CTNNA2: variants seen among roughly 807,000 people sequenced by gnomAD.
CTNNA2 encodes catenin alpha-2.
Under a neutral mutation model 101.0 loss-of-function variants are expected in CTNNA2, and 42 were observed. The ratio of observed to expected loss-of-function variants is 0.42; its 90% CI spans 0.32 to 0.54. The LOEUF is 0.54. Ranked by LOEUF, CTNNA2 falls within the 20% of genes least tolerant of loss-of-function variation. The pLI is 0.14. For missense variants in CTNNA2, 871 were observed against 1,223.1 expected (o/e 0.71, Z 4.29); for synonymous variants, 450 against 456.4 (o/e 0.99, Z 0.18).
At chr2:79,636,231 C>A (rs1680041392) in intron 1 of CTNNA2, among the ~76,000 whole-genome samples, 1 of 133,992 alleles carries the variant, frequency 7.5e-6, no homozygotes, top group Non-Finnish European at 1.5e-5. Flanking sequence ...GATCGCGCCA[C>A]TGCACTCCAG....
intron 7 of CTNNA2, among the ~76,000 whole-genome samples, chr2:80,278,517 A>G (rs527582308): frequency 1.3e-5 from 2 of 152,156 alleles, no homozygotes; most frequent in South Asian, 4.1e-4. Context: ...GCTAGTTCAC[A>G]TGGTAGGGGG....
chr2:79,470,826 G>T (rs1670991170), intron 4 of CTNNA2, among the ~76,000 whole-genome samples: 2 of 152,180 alleles, frequency 1.3e-5, no homozygotes, highest in South Asian at 4.1e-4. Flanking sequence ...CATACACGGA[G>T]TCATTCAGAC....
intron 7 of CTNNA2, among the ~76,000 whole-genome samples, chr2:80,009,756 G>GTGTGTGTGTGTGTGTGTGTC (rs367758452): frequency 6.8e-6 from 1 of 148,108 alleles, no homozygotes; most frequent in East Asian, 2.0e-4. Flanking sequence ...GTGTGTCAGA[G>GTGTGTGTGTGTGTGTGTGTC]AGAGAGACAG....
At chr2:80,410,472 A>G (rs904104600) in intron 8 of CTNNA2, among the ~76,000 whole-genome samples, 1 of 152,212 alleles carries the variant, frequency 6.6e-6, no homozygotes, top group Non-Finnish European at 1.5e-5. Flanking sequence ...CCTTTGTCAC[A>G]CATACGTTTA....
At chr2:79,197,192 A>T (rs955935442) in intron 1 of CTNNA2, among the ~76,000 whole-genome samples, 2 of 152,248 alleles carry the variant, frequency 1.3e-5, no homozygotes, top group African/African-American at 4.8e-5. Flanking sequence ...CCCGAATTAG[A>T]ACAAACAGAG....
intron 7 of CTNNA2, among the ~76,000 whole-genome samples, chr2:80,246,549 C>A (rs1671344418): frequency 6.6e-6 from 1 of 152,086 alleles, no homozygotes; most frequent in Non-Finnish European, 1.5e-5. Flanking sequence ...CAAGTATGGA[C>A]CTGTTCAGTA....
intron 3 of CTNNA2, among the ~76,000 whole-genome samples, chr2:79,763,284 T>G (rs1309652883): frequency 6.6e-6 from 1 of 152,210 alleles, no homozygotes; most frequent in Non-Finnish European, 1.5e-5. Context: ...CTCCTTGTTT[T>G]GTTGAATAAT....
At chr2:79,394,445 A>G (rs1678208097) in intron 4 of CTNNA2, among the ~76,000 whole-genome samples, 1 of 152,236 alleles carries the variant, frequency 6.6e-6, no homozygotes, top group African/African-American at 2.4e-5. Flanking sequence ...ATTGGATGGT[A>G]AATACGTAAC....
chr2:80,293,774 G>C (rs574673726), intron 7 of CTNNA2, among the ~76,000 whole-genome samples: 2 of 152,184 alleles, frequency 1.3e-5, no homozygotes, highest in Non-Finnish European at 2.9e-5. Context: ...CAAATCTGCG[G>C]ATGCAGTGGA....
chr2:79,451,265 T>C (rs1034868873), intron 4 of CTNNA2, among the ~76,000 whole-genome samples: 15 of 152,132 alleles, frequency 9.9e-5, no homozygotes, highest in Admixed American at 7.2e-4. Flanking sequence ...AGGATCCTTT[T>C]AGGATCAAAA....
At chr2:79,797,708 G>C (rs951823776) in intron 3 of CTNNA2, among the ~76,000 whole-genome samples, 2 of 149,670 alleles carry the variant, frequency 1.3e-5, no homozygotes, top group African/African-American at 4.9e-5. Context: ...AATTGCCCCT[G>C]TTGTGTTTGT....
chr2:79,938,121 C>T (rs1285844061), intron 7 of CTNNA2, among the ~76,000 whole-genome samples: 1 of 152,174 alleles, frequency 6.6e-6, no homozygotes, highest in Non-Finnish European at 1.5e-5. Flanking sequence ...GCAGTGCCCT[C>T]AAATCTGCTC....
intron 1 of CTNNA2, among the ~76,000 whole-genome samples, chr2:79,549,819 CT>C (rs1480477703): frequency 6.6e-6 from 1 of 152,122 alleles, no homozygotes; most frequent in African/African-American, 2.4e-5. Context: ...GCTATTTCCC[CT>C]GTTATATGAT....
intron 7 of CTNNA2, among the ~76,000 whole-genome samples, chr2:80,016,241 G>T (rs1023259548): frequency 6.6e-6 from 1 of 152,124 alleles, no homozygotes; most frequent in Non-Finnish European, 1.5e-5. Context: ...AGTGCTACAC[G>T]CTGGGCTTGG....
intron 9 of CTNNA2, among the ~76,000 whole-genome samples, chr2:80,528,954 TAAAC>T (rs1324458783): frequency 1.3e-5 from 2 of 152,142 alleles, no homozygotes; most frequent in Non-Finnish European, 2.9e-5. Flanking sequence ...TAAACATAAA[TAAAC>T]AAGTATTAAG....
At chr2:79,255,686 T>C (rs1374428838) in intron 2 of CTNNA2, among the ~76,000 whole-genome samples, 1 of 152,172 alleles carries the variant, frequency 6.6e-6, no homozygotes, top group African/African-American at 2.4e-5. Flanking sequence ...TGGAATAGCT[T>C]GGTGCATTCA....
intron 2 of CTNNA2, among the ~76,000 whole-genome samples, chr2:79,739,027 A>G (rs779994491): frequency 2.0e-5 from 3 of 151,506 alleles, no homozygotes; most frequent in South Asian, 2.1e-4. Flanking sequence ...ACATATGTCA[A>G]TATTCATGCT....
intron 4 of CTNNA2, among the ~76,000 whole-genome samples, chr2:79,490,439 G>A (rs1454681789): frequency 1.3e-5 from 2 of 152,076 alleles, no homozygotes; most frequent in African/African-American, 2.4e-5. Context: ...AGTCAGTACT[G>A]TTCTGAAGAC....
At chr2:79,665,236 T>A (rs1301673352) in intron 2 of CTNNA2, among the ~76,000 whole-genome samples, 1 of 152,162 alleles carries the variant, frequency 6.6e-6, no homozygotes, top group African/African-American at 2.4e-5. Flanking sequence ...GCCTTCTGAT[T>A]TTTTGACACC....
Sources: gnomAD v4.1 joint callset for allele counts (sites outside exome capture counted in the v4.1 genomes callset) on GRCh38, gnomAD v4.1.1 for gene constraint, MANE v1.5 for transcripts, NCBI Gene and HGNC (gene_info 2026-07-23, HGNC 2026-07-21) for gene names.